Variants in TMEM268 observed in about 807,000 individuals in gnomAD.
The protein encoded by TMEM268 is transmembrane protein C9orf91.
In TMEM268, 24 loss-of-function variants were observed where a neutral mutation model predicts 39.1. The ratio of observed to expected loss-of-function variants is 0.61; its 90% CI spans 0.44 to 0.86. The LOEUF is 0.86. Among genes scored for constraint, TMEM268 ranks in the 40% least tolerant of loss-of-function variants. TMEM268 has a pLI of 0.00. For missense variants in TMEM268, 409 were observed against 428.6 expected (o/e 0.95, Z 0.40); for synonymous variants, 176 against 173.5 (o/e 1.01, Z -0.12).
rs376614875 is a variant in TMEM268, at chr9:114,643,297, C to T, written c.1013C>T (p.Pro338Leu). 5.0e-5 allele frequency: 81 copies of T among 1,613,976 alleles called. No individual in the cohort carries two copies. The highest frequency in any genetic ancestry group is 1.6e-4 in the Middle Eastern group (1 of 6,084). ...TACATCCTAGGCACAGGGTGCTGCC[C>T]GTTCCTGGCGAGGTGACCTAGGGAT... ...EAYILGTGCC[P>L]FLAR Residue 338 changes from proline to leucine, a missense_variant, in exon 9 of 9, where the codon CCG becomes CTG. Transcript: ENST00000288502.
At position 114,617,245 on chromosome 9, in the gene TMEM268, C is replaced by T; in HGVS notation, c.50C>T (p.Pro17Leu). Reference protein sequence around the residue: ...VDPGATGPLPPSSPGWSALPG... With the variant: ...VDPGATGPLPLSSPGWSALPG... ...CCGGGGGCCACTGGCCCATTGCCCC[C>T]CTCCTCCCCTGGCTGGAGTGCCCTG... The change falls in exon 2 of 9, where the codon CCC (proline) becomes CTC (leucine). Residue 17 changes from proline to leucine, a missense_variant. Coordinates refer to ENST00000288502, the MANE Select transcript of TMEM268 (RefSeq NM_153045.4). 1 of 1,613,020 alleles carries T rather than the reference C, an allele frequency of 6.2e-7. No homozygotes were observed.
At chr9:114,626,800 G>C in intron 3 of TMEM268, 99 bp from the exon 4 acceptor site, 1 of 835,316 alleles carries the variant, frequency 1.2e-6, no homozygotes. Flanking sequence ...CTTTGGGACA[G>C]CCCAGAATGT....
chr9:114,623,801 C>G (rs1365552678), intron 2 of TMEM268, among the ~76,000 whole-genome samples: 1 of 152,220 alleles, frequency 6.6e-6, no homozygotes. Context: ...CCCCTTACTT[C>G]CACCCTTTGC....
intron 2 of TMEM268, among the ~76,000 whole-genome samples, chr9:114,618,181 A>C (rs1845810656): frequency 6.6e-6 from 1 of 151,566 alleles, no homozygotes. Flanking sequence ...CTGGCCCCAG[A>C]TATCTTTTTA....
intron 8 of TMEM268, 106 bp from the exon 9 acceptor site, chr9:114,643,028 C>A: frequency 8.5e-7 from 1 of 1,183,280 alleles, no homozygotes; most frequent in Non-Finnish European, 1.2e-6. Flanking sequence ...AGCATCACTG[C>A]TGGGTCCAGG....
chr9:114,628,302 C>T (rs528126436), intron 5 of TMEM268, 52 bp downstream of exon 5: 24 of 1,581,090 alleles, frequency 1.5e-5, no homozygotes, highest in South Asian at 7.8e-5. Flanking sequence ...GCGGTGCAGG[C>T]GTGAGAATCA....
intron 7 of TMEM268, among the ~76,000 whole-genome samples, 164 bp from the exon 8 acceptor site, chr9:114,638,380 G>A (rs1277252174): frequency 6.6e-6 from 1 of 152,230 alleles, no homozygotes; most frequent in Non-Finnish European, 1.5e-5. Context: ...ATGACCATCT[G>A]TAGGGAATTA....
chr9:114,640,950 A>G (rs746062161), intron 8 of TMEM268, among the ~76,000 whole-genome samples: 5 of 151,366 alleles, frequency 3.3e-5, no homozygotes, highest in Non-Finnish European at 7.4e-5. Flanking sequence ...ATCTCCGCTC[A>G]CTGCAAACTC....
chr9:114,626,979 G>C lies in TMEM268; in HGVS notation c.297G>C (p.Ser99=), dbSNP rs764517200. 27 of 1,613,076 alleles carry C rather than the reference G, an allele frequency of 1.7e-5. No individual in the cohort carries two copies. In the South Asian group the frequency reaches 2.5e-4, roughly 15 times the overall value. ...PQVRRYIIYN[S]RPMRLAFAVV... ...TGAGAAGATATATCATCTACAACTC[G>C]AGGCCTATGCGGCTGGCCTTTGCTG... is the stretch of plus-strand genomic sequence containing the variant. Residue 99 remains serine, a synonymous_variant, in exon 4 of 9, where the codon TCG becomes TCC. Coordinates refer to ENST00000288502, the MANE Select transcript of TMEM268 (RefSeq NM_153045.4).
chr9:114,637,589 C>T (rs921406153), intron 7 of TMEM268, among the ~76,000 whole-genome samples: 12 of 151,946 alleles, frequency 7.9e-5, no homozygotes, highest in Admixed American at 3.9e-4. Context: ...CCACCACGCC[C>T]GGCCATATAT....
At chr9:114,609,565 G>A (rs1350845167), upstream of TMEM268, among the ~76,000 whole-genome samples, 6 of 150,848 alleles carry the variant, frequency 4.0e-5, no homozygotes, top group Non-Finnish European at 7.4e-5. Context: ...TGCACTTTTA[G>A]ACCCATCTAC....
At chr9:114,617,915 T>TG (rs1208660670) in intron 2 of TMEM268, among the ~76,000 whole-genome samples, 3 of 152,006 alleles carry the variant, frequency 2.0e-5, no homozygotes, top group African/African-American at 7.3e-5. Flanking sequence ...CCCACTCTGT[T>TG]GCCCAGGTTG....
At chr9:114,631,657 A>G (rs1195770234) in intron 5 of TMEM268, among the ~76,000 whole-genome samples, 1 of 152,180 alleles carries the variant, frequency 6.6e-6, no homozygotes, top group Non-Finnish European at 1.5e-5. Context: ...GGTGATACAG[A>G]TTTCTAGAAG....
chr9:114,643,376 A>G lies in TMEM268; in HGVS notation c.*63A>G, dbSNP rs1827442285. On this transcript the variant is annotated 3_prime_UTR_variant, in exon 9 of 9. Coordinates refer to ENST00000288502, the MANE Select transcript of TMEM268 (RefSeq NM_153045.4). ...GCAGTCAGGAAGGCTTCAGGAGCCC[A>G]AGATGGCCAATGGGGAGCCCCAGGT... is the stretch of plus-strand genomic sequence containing the variant. 2.7e-6 allele frequency: 4 copies of G among 1,494,282 alleles called. No individual in the cohort carries two copies. In the African/African-American group the frequency reaches 4.1e-5, roughly 15 times the overall value. 92.6% of individuals were successfully genotyped at this position (1,494,282 alleles called of 1,614,324 possible).
chr9:114,627,207 G>T (rs1846200606), intron 4 of TMEM268, among the ~76,000 whole-genome samples: 1 of 152,166 alleles, frequency 6.6e-6, no homozygotes, highest in Admixed American at 6.5e-5. Flanking sequence ...CCAGGTCGTT[G>T]CATAAAGGAT....
chr9:114,623,238 C>T (rs1010646307), intron 2 of TMEM268, among the ~76,000 whole-genome samples: 1 of 152,084 alleles, frequency 6.6e-6, no homozygotes, highest in Non-Finnish European at 1.5e-5. Flanking sequence ...GCAACCTCCA[C>T]CTCCCAGGTT....
chr9:114,642,007 A>T (rs1177505244), intron 8 of TMEM268, among the ~76,000 whole-genome samples: 2 of 152,218 alleles, frequency 1.3e-5, no homozygotes, highest in Non-Finnish European at 2.9e-5. Flanking sequence ...TTTTTACTTA[A>T]AATTGTTTTA....
At chr9:114,629,935 G>T (rs1036681876) in intron 5 of TMEM268, among the ~76,000 whole-genome samples, 1 of 152,180 alleles carries the variant, frequency 6.6e-6, no homozygotes, top group South Asian at 2.1e-4. Flanking sequence ...TGGCCCTTGT[G>T]TTTGGCCTAT....
intron 1 of TMEM268, among the ~76,000 whole-genome samples, 179 bp downstream of exon 1, chr9:114,611,743 TC>T (rs1307001468): frequency 6.6e-6 from 1 of 151,868 alleles, no homozygotes; most frequent in Admixed American, 6.5e-5. Context: ...CTGGGGCCCC[TC>T]CCCCGCGTGC....
Sources: gnomAD v4.1 joint callset for allele counts (sites outside exome capture counted in the v4.1 genomes callset) on GRCh38, gnomAD v4.1.1 for gene constraint, MANE v1.5 for transcripts, NCBI Gene and HGNC (gene_info 2026-07-23, HGNC 2026-07-21) for gene names.